Variants in SLIT1 observed in about 807,000 individuals in gnomAD.
The protein encoded by SLIT1 is slit guidance ligand 1.
A neutral mutation model predicts 186.1 loss-of-function variants in SLIT1; 66 were observed. The observed-to-expected ratio is 0.35, with a 90% CI of 0.29 to 0.44. The LOEUF is 0.44. SLIT1 is among the 20% of genes least tolerant of loss of function. SLIT1 has a pLI of 1.00. For missense variants in SLIT1, 1,638 were observed against 2,037.4 expected, an observed-to-expected ratio of 0.80 and a Z score of 3.77; for synonymous variants, 761 against 833.8, an observed-to-expected ratio of 0.91 and a Z score of 1.50.
intron 30 of SLIT1, among the ~76,000 whole-genome samples, 186 bp downstream of exon 30, chr10:97,013,555 C>T (rs890715055): frequency 1.3e-5 from 2 of 152,128 alleles, no homozygotes; most frequent in Non-Finnish European, 2.9e-5. Flanking sequence ...GTCTCTGTGG[C>T]CACAAAGCTG....
chr10:97,060,589 C>T (rs1848884063), intron 9 of SLIT1, 51 bp downstream of exon 9: 1 of 1,606,924 alleles, frequency 6.2e-7, no homozygotes, highest in East Asian at 2.2e-5. Flanking sequence ...CCCTCCAGAG[C>T]CAGGCCTGCC....
At chr10:97,138,171 T>C (rs1849720696) in intron 4 of SLIT1, among the ~76,000 whole-genome samples, 1 of 152,244 alleles carries the variant, frequency 6.6e-6, no homozygotes, top group Non-Finnish European at 1.5e-5. Flanking sequence ...GCTGGCATTT[T>C]ACATACGCGG....
chr10:97,027,339 T>C lies in SLIT1; in HGVS notation c.2582+3418A>G, dbSNP rs181035152. Among the ~76,000 whole-genome samples, 12 of 152,374 alleles carry C rather than the reference T, an allele frequency of 7.9e-5. No individual in the cohort carries two copies. In the East Asian group the frequency reaches 2.1e-3, roughly 27 times the overall value. On this transcript the variant is annotated intron_variant, in intron 25 of 36. Transcript: ENST00000266058. ...GCACAGAGGCGACAACCACTGTATG[T>C]GTGTACATGACATATATCCCATCAA...
chr10:97,101,839 A>G (rs1481714117), intron 4 of SLIT1, among the ~76,000 whole-genome samples: 1 of 152,212 alleles, frequency 6.6e-6, no homozygotes, highest in Non-Finnish European at 1.5e-5. Context: ...GTAAAACTAA[A>G]TATCTCTCCC....
chr10:97,044,289 G>T (rs61864171), intron 18 of SLIT1, among the ~76,000 whole-genome samples: 6,504 of 152,256 alleles, frequency 0.043, 194 homozygotes, highest in Middle Eastern at 0.13. Flanking sequence ...CCAGCTGCTT[G>T]GGAGGCTGAG....
At position 97,021,464 on chromosome 10, in the gene SLIT1, G is replaced by A. The variant is rs771532187; in HGVS notation, c.2583-51C>T. 2.6e-6 allele frequency: 4 copies of A among 1,554,570 alleles called. No individual in the cohort carries two copies. The highest frequency in any genetic ancestry group is 1.4e-5 in the African/African-American group (1 of 73,478). On this transcript the variant is annotated intron_variant, in intron 25 of 36. Coordinates refer to ENST00000266058, the MANE Select transcript of SLIT1 (RefSeq NM_003061.3). This position sits in a 1 kb window ranked among gnomAD's most constrained non-coding sequence, Gnocchi z 4.5. ...GCATTACAGCTTCATGGGGTCCCTCGCCCACTGGGAACCTAGAGTCCCAGG... is the reference window on the plus strand; with the variant it reads ...GCATTACAGCTTCATGGGGTCCCTCACCCACTGGGAACCTAGAGTCCCAGG...
intron 4 of SLIT1, chr10:97,101,466 G>A (rs1405336949): frequency 2.0e-5 from 3 of 152,206 alleles, no homozygotes; most frequent in Admixed American, 6.5e-5. Flanking sequence ...ACATGAACAT[G>A]TTCAACCCTC....
intron 23 of SLIT1, among the ~76,000 whole-genome samples, chr10:97,032,071 G>A (rs911489585): frequency 6.6e-6 from 1 of 152,242 alleles, no homozygotes; most frequent in Non-Finnish European, 1.5e-5. Flanking sequence ...GTGCATAGGC[G>A]AGTTCCCTAT....
rs564502560 is a variant in SLIT1, at chr10:97,027,165, C to T, written c.2582+3592G>A. 3.3e-5 allele frequency among the ~76,000 whole-genome samples: 5 copies of T among 152,314 alleles called. No individual in the cohort carries two copies. In the South Asian group the frequency reaches 1.0e-3, roughly 32 times the overall value. ...TGGCTAACCCTCGATTGTCACTTGTCATAGAGCCGTGTGCGAGGGCCTCCC... is the reference window on the plus strand; with the variant it reads ...TGGCTAACCCTCGATTGTCACTTGTTATAGAGCCGTGTGCGAGGGCCTCCC... On this transcript the variant is annotated intron_variant, in intron 25 of 36. Transcript: ENST00000266058.
chr10:97,162,815 A>C, intron 3 of SLIT1, among the ~76,000 whole-genome samples: 2 of 150,268 alleles, frequency 1.3e-5, no homozygotes, highest in East Asian at 2.0e-4. Context: ...CCCCCACCTC[A>C]CCCCACTATG....
chr10:97,035,973 T>C (rs1848634875), intron 22 of SLIT1, among the ~76,000 whole-genome samples: 2 of 152,090 alleles, frequency 1.3e-5, no homozygotes, highest in South Asian at 4.1e-4. Flanking sequence ...CTAATCAGCA[T>C]TGACCTCTGT....
At chr10:97,180,200 C>T (rs892144822) in intron 1 of SLIT1, among the ~76,000 whole-genome samples, 7 of 152,258 alleles carry the variant, frequency 4.6e-5, no homozygotes, top group African/African-American at 1.4e-4. Flanking sequence ...CCCAAATTTC[C>T]TTCACATCCC....
At chr10:97,078,423 C>G (rs1849068412) in intron 4 of SLIT1, among the ~76,000 whole-genome samples, 2 of 152,182 alleles carry the variant, frequency 1.3e-5, no homozygotes, top group Admixed American at 1.3e-4. Flanking sequence ...CATTAAGCAG[C>G]CTTGAATGGC....
At chr10:97,089,421 T>A (rs1389166472) in intron 4 of SLIT1, among the ~76,000 whole-genome samples, 1 of 152,166 alleles carries the variant, frequency 6.6e-6, no homozygotes, top group Non-Finnish European at 1.5e-5. Context: ...AGCGTGGGGC[T>A]GCTGGGGCCC....
Position 97,049,037 on chromosome 10 carries a change from C to T in SLIT1, c.1383G>A (p.Thr461=), listed in dbSNP as rs772613342. ...GGGGACTGGCACAGCGGGCACCACTCGTCTCGATGGGATTGGTGCGCAGGA... is the reference window on the plus strand; with the variant it reads ...GGGGACTGGCACAGCGGGCACCACTTGTCTCGATGGGATTGGTGCGCAGGA... ...ADFLRTNPIE[T]SGARCASPRR... is the part of the protein sequence containing the mutation. The change falls in exon 14 of 37, where the codon ACG becomes ACA. Residue 461 remains threonine, a synonymous_variant. Coordinates refer to ENST00000266058, the MANE Select transcript of SLIT1 (RefSeq NM_003061.3). 7.4e-6 allele frequency: 12 copies of T among 1,612,390 alleles called. No homozygotes were observed. In the Admixed American group the frequency reaches 1.3e-4, roughly 18 times the overall value.
At chr10:97,062,482 A>G (rs1048127540) in intron 8 of SLIT1, among the ~76,000 whole-genome samples, 4 of 152,220 alleles carry the variant, frequency 2.6e-5, no homozygotes, top group Non-Finnish European at 5.9e-5. Flanking sequence ...TTCAGCAAGT[A>G]TTTCCTGTGC....
intron 25 of SLIT1, among the ~76,000 whole-genome samples, chr10:97,025,263 C>T (rs1848534705): frequency 1.3e-5 from 2 of 151,752 alleles, no homozygotes; most frequent in South Asian, 4.2e-4. Context: ...CAACTTGTGG[C>T]TCATGCCACA....
chr10:97,112,647 G>A (rs1849475329), intron 4 of SLIT1, among the ~76,000 whole-genome samples: 2 of 152,292 alleles, frequency 1.3e-5, no homozygotes, highest in African/African-American at 4.8e-5. Flanking sequence ...CACATAATCT[G>A]TAACCCAAAA....
At chr10:97,012,085 C>T (rs1390786771) in intron 30 of SLIT1, among the ~76,000 whole-genome samples, 2 of 78,206 alleles carry the variant, frequency 2.6e-5, no homozygotes, top group African/African-American at 1.4e-4. Flanking sequence ...TACACACACA[C>T]ACACACACAC....
Sources: allele counts gnomAD v4.1 joint callset (sites outside exome capture counted in the v4.1 genomes callset), GRCh38; gene constraint gnomAD v4.1.1; non-coding constraint Gnocchi (gnomAD v3.1); transcripts MANE v1.5; gene names NCBI Gene and HGNC (gene_info 2026-07-23, HGNC 2026-07-21).